The following FBRSL1 variants were observed in gnomAD, a reference collection of about 807,000 sequenced individuals.
The protein encoded by FBRSL1 is fibrosin like 1.
A neutral mutation model predicts 89.6 loss-of-function variants in FBRSL1; 51 were observed. The observed-to-expected ratio is 0.57, with a 90% confidence interval of 0.45 to 0.72. The LOEUF (loss-of-function observed/expected upper bound fraction) is 0.72, where lower values mean the gene tolerates loss of function less well. FBRSL1 is among the 30% of genes least tolerant of loss of function. The pLI is 0.00. For synonymous variants in FBRSL1, 779 were observed against 681.1 expected, an observed-to-expected ratio of 1.14 and a Z score of -2.24; for missense variants, 1,618 against 1,451.8, an observed-to-expected ratio of 1.11 and a Z score of -1.86.
chr12:132,557,484 GGGGCGGGGCTCGGGGCTC>G (rs1455701390), intron 5 of FBRSL1, among the ~76,000 whole-genome samples: 1 of 152,102 alleles, frequency 6.6e-6, no homozygotes, highest in Non-Finnish European at 1.5e-5. Context: ...GCAGGGCTGT[GGGGCGGGGCTCGGGGCTC>G]GGGGCTGGGT....
At position 132,580,071 on chromosome 12, in the gene FBRSL1, C is replaced by T. The variant is rs190642738; in HGVS notation, c.1835-1368C>T. ...TCATTAATCTCACCAGAAGTTTGTC[C>T]ATTTCACCAGTATTTTATTTTAATT... On this transcript the variant is annotated intron_variant, in intron 15 of 18. Coordinates refer to ENST00000680143, the MANE Select transcript of FBRSL1 (RefSeq NM_001367871.1). 2.9e-3 allele frequency among the ~76,000 whole-genome samples: 437 copies of T among 152,220 alleles called. 3 individuals carry two copies. The highest frequency in any genetic ancestry group is 4.1e-3 in the Non-Finnish European group (276 of 68,014).
chr12:132,515,095 C>T (rs546037713), intron 2 of FBRSL1, among the ~76,000 whole-genome samples: 31 of 152,264 alleles, frequency 2.0e-4, no homozygotes, highest in African/African-American at 7.0e-4. Context: ...CCATGCTGTT[C>T]CCAGGCGCCT....
chr12:132,557,572 G>A (rs2038781186), intron 5 of FBRSL1, among the ~76,000 whole-genome samples: 1 of 152,218 alleles, frequency 6.6e-6, no homozygotes, highest in Non-Finnish European at 1.5e-5. Context: ...CAGTGCTGAA[G>A]GCGGCCTCAG....
At chr12:132,558,904 C>G (rs975740125) in intron 5 of FBRSL1, among the ~76,000 whole-genome samples, 16 of 152,268 alleles carry the variant, frequency 1.1e-4, no homozygotes, top group Non-Finnish European at 1.9e-4. Flanking sequence ...GCCAGCCACG[C>G]AGCAGCTTGG....
At position 132,508,204 on chromosome 12, in the gene FBRSL1, C is replaced by G; in HGVS notation, c.343C>G (p.Leu115Val). 6.4e-7 allele frequency: 1 copy of G among 1,551,092 alleles called. No individual in the cohort carries two copies. The highest frequency in any genetic ancestry group is 8.7e-7 in the Non-Finnish European group (1 of 1,146,928). The change falls in exon 2 of 19, where the codon CTC (leucine) becomes GTC (valine). Residue 115 changes from leucine to valine, a missense_variant. By Grantham distance (32) the Leu-to-Val change is conservative. Transcript: ENST00000680143. ...HERKEKWERR[L>V]IKKPRESETC... is the part of the protein sequence containing the mutation. ...GCGGAAGGAGAAGTGGGAGCGTCGT[C>G]TCATCAAGAAGCCCCGGGAGTCGGA...
At chr12:132,530,760 T>C (rs2036198873) in intron 4 of FBRSL1, among the ~76,000 whole-genome samples, 1 of 135,270 alleles carries the variant, frequency 7.4e-6, no homozygotes, top group African/African-American at 2.7e-5. Flanking sequence ...GGGGAGGGGC[T>C]GGCCTGCTGC....
At chr12:132,496,951 G>A (rs2136362387) in intron 1 of FBRSL1, among the ~76,000 whole-genome samples, 1 of 152,376 alleles carries the variant, frequency 6.6e-6, no homozygotes, top group African/African-American at 2.4e-5. Flanking sequence ...GCCCTGCGGT[G>A]TCCTGTGTTG....
chr12:132,568,027 A>G (rs922928495), intron 6 of FBRSL1, among the ~76,000 whole-genome samples: 21 of 148,024 alleles, frequency 1.4e-4, no homozygotes, highest in African/African-American at 5.6e-4. Context: ...CAGGCCAGCA[A>G]CCCTCTCCAG....
At chr12:132,493,760 G>T (rs1166035312) in intron 1 of FBRSL1, among the ~76,000 whole-genome samples, 1 of 152,220 alleles carries the variant, frequency 6.6e-6, no homozygotes, top group Non-Finnish European at 1.5e-5. Flanking sequence ...CCCGGGGCAG[G>T]CCCCCAGCAT....
At chr12:132,542,915 G>C (rs2037385061) in intron 4 of FBRSL1, among the ~76,000 whole-genome samples, 1 of 152,256 alleles carries the variant, frequency 6.6e-6, no homozygotes, top group Non-Finnish European at 1.5e-5. Flanking sequence ...CCGTGCTGCT[G>C]ATTTGTGTCT....
intron 5 of FBRSL1, chr12:132,565,536 C>T (rs76476521): frequency 4.2e-4 from 23 of 55,070 alleles, no homozygotes; most frequent in Middle Eastern, 6.5e-3. Flanking sequence ...TGCTCATGTA[C>T]ACGTACCCGA....
At chr12:132,540,711 C>T (rs560041051) in intron 4 of FBRSL1, among the ~76,000 whole-genome samples, 19 of 152,266 alleles carry the variant, frequency 1.2e-4, no homozygotes, top group Middle Eastern at 3.4e-3. Flanking sequence ...CACCTGGAAC[C>T]AGGCTCCAGG....
chr12:132,575,560 G>A (rs572005842), intron 14 of FBRSL1, among the ~76,000 whole-genome samples: 3 of 152,376 alleles, frequency 2.0e-5, no homozygotes, highest in African/African-American at 7.2e-5. Context: ...TGCATGTCTG[G>A]GTGGAACTTC....
intron 4 of FBRSL1, among the ~76,000 whole-genome samples, chr12:132,532,149 C>T (rs1462106039): frequency 6.8e-6 from 1 of 147,040 alleles, no homozygotes; most frequent in Admixed American, 6.8e-5. Flanking sequence ...GGGCCTTTGG[C>T]CAGCAGGAGC....
intron 4 of FBRSL1, among the ~76,000 whole-genome samples, chr12:132,543,737 A>G (rs1160358718): frequency 6.6e-6 from 1 of 152,216 alleles, no homozygotes. Flanking sequence ...TCCCCACCGC[A>G]TAGCCACATC....
intron 5 of FBRSL1, chr12:132,566,189 G>A (rs2039600157): frequency 6.6e-6 from 1 of 152,072 alleles, no homozygotes; most frequent in African/African-American, 2.4e-5. Flanking sequence ...GGTCCATAGA[G>A]GGTGCCTCTC....
intron 2 of FBRSL1, chr12:132,509,721 C>A (rs2034109725): frequency 2.4e-6 from 3 of 1,231,388 alleles, no homozygotes; most frequent in Non-Finnish European, 1.0e-6. Context: ...CCGCTGCCGA[C>A]CCCTGCGGCC....
chr12:132,572,758 T>C, intron 11 of FBRSL1, 136 bp downstream of exon 11: 3 of 687,348 alleles, frequency 4.4e-6, no homozygotes, highest in East Asian at 5.5e-5. Flanking sequence ...ATCTGGGTGC[T>C]GGCGTGAGCA....
intron 5 of FBRSL1, among the ~76,000 whole-genome samples, chr12:132,558,613 A>C (rs1291640265): frequency 3.9e-5 from 6 of 152,184 alleles, no homozygotes; most frequent in Non-Finnish European, 8.8e-5. Flanking sequence ...GCTGAGGCCG[A>C]CCTTGGTGAT....
Sources: allele counts gnomAD v4.1 joint callset (sites outside exome capture counted in the v4.1 genomes callset), GRCh38; gene constraint gnomAD v4.1.1; transcripts MANE v1.5; gene names NCBI Gene and HGNC (gene_info 2026-07-23, HGNC 2026-07-21).